The following SLC29A1 variants were observed in gnomAD, a reference collection of about 807,000 sequenced individuals.
The protein encoded by SLC29A1 is solute carrier family 29 member 1 (Augustine blood group), also known as equilibrative nucleoside transporter 1.
SLC29A1 carries 22 observed loss-of-function variants against 48.3 expected under a neutral mutation model. That is an observed-to-expected ratio of 0.46 (90% CI 0.33 to 0.65). SLC29A1 has a LOEUF of 0.65. Among genes scored for constraint, SLC29A1 ranks in the 30% least tolerant of loss-of-function variants. The pLI, the probability that SLC29A1 is intolerant of heterozygous loss-of-function variation, is 0.03. For synonymous variants in SLC29A1, 228 were observed against 231.0 expected, an observed-to-expected ratio of 0.99 and a Z score of 0.12; for missense variants, 491 against 575.3, an observed-to-expected ratio of 0.85 and a Z score of 1.50.
rs781445155 is a variant in SLC29A1 at position 44,227,324 on chromosome 6, G to A, written c.11G>A (p.Ser4Asn). ...GAGAACACCATCACCATGACAACCA[G>A]TCACCAGCCTCAGGACAGGTAAGGG... MTT[S>N]HQPQDRYKAV... The change falls in exon 2 of 13, where the codon AGT becomes AAT. Residue 4 changes from serine (S) to asparagine (N), a missense_variant. By Grantham distance (46) the Ser-to-Asn change is conservative. Coordinates refer to ENST00000371755, the MANE Select transcript of SLC29A1 (RefSeq NM_001372327.1). 6.2e-7 allele frequency: 1 copy of A among 1,614,128 alleles called. No homozygotes were observed. Among genetic ancestry groups the A allele is most frequent in the Admixed American group, 1.7e-5 (1 of 60,028 alleles).
rs923680452 is a variant in SLC29A1 at position 44,232,541 on chromosome 6, A to T, written c.1059+113A>T. ...AAGGGGACCATTTGTTTTAAAGTCG[A>T]GGCATAATTTATGTATAGTTAAGTA... is the stretch of plus-strand genomic sequence containing the variant. On this transcript the variant is annotated intron_variant, in intron 11 of 12. Coordinates refer to ENST00000371755, the MANE Select transcript of SLC29A1 (RefSeq NM_001372327.1). The surrounding 1 kb of genome is among the most constrained non-coding windows in gnomAD (Gnocchi z 4.7). 5.3e-6 allele frequency: 4 copies of T among 751,026 alleles called. No homozygotes were observed. Among genetic ancestry groups the T allele is most frequent in the Admixed American group, 2.5e-5 (1 of 39,394 alleles). The allele number at this position is 751,026 out of a possible 1,614,324, so 46.5% of individuals were successfully genotyped here.
chr6:44,227,740 C>T (rs1167981045), intron 2 of SLC29A1, among the ~76,000 whole-genome samples: 1 of 152,262 alleles, frequency 6.6e-6, no homozygotes, highest in Non-Finnish European at 1.5e-5. Context: ...TGATCTTCCT[C>T]TCAATTCCCT....
chr6:44,221,555 A>G, upstream of SLC29A1: 1 of 1,128,876 alleles, frequency 8.9e-7, no homozygotes, highest in Non-Finnish European at 1.2e-6. The surrounding 1 kb of genome is among the most constrained non-coding windows in gnomAD (Gnocchi z 4.2). Context: ...GTGCAGCAGG[A>G]CCAACCCTTC....
chr6:44,230,919 A>C (rs1281541428), intron 8 of SLC29A1, 30 bp downstream of exon 8: 2 of 1,543,638 alleles, frequency 1.3e-6, no homozygotes, highest in South Asian at 2.2e-5. Context: ...GCTGGGGTGG[A>C]GGATGGTATA....
In SLC29A1 at chr6:44,229,248, C is replaced by G. The variant is rs1778285063; in HGVS notation, c.30-142C>G. The G allele has an allele frequency of 6.9e-6, 5 of 724,456 alleles. No individual in the cohort carries two copies. In the East Asian group the frequency reaches 1.2e-4, roughly 18 times the overall value. 44.9% of individuals were successfully genotyped at this position (724,456 alleles called of 1,614,324 possible). ...TTCTCCCCCCACACCCATAAGAGGA[C>G]ACATGCAAACGGACACAAACACAGA... On this transcript the variant is annotated intron_variant, in intron 2 of 12. Transcript: ENST00000371755. The surrounding 1 kb of genome is among the most constrained non-coding windows in gnomAD (Gnocchi z 5.1).
upstream of SLC29A1, among the ~76,000 whole-genome samples, chr6:44,223,321 G>A (rs1194519686): frequency 6.6e-6 from 1 of 152,030 alleles, no homozygotes; most frequent in Non-Finnish European, 1.5e-5. This position sits in a 1 kb window ranked among gnomAD's most constrained non-coding sequence, Gnocchi z 5.0. Flanking sequence ...ATGTGTGGCT[G>A]TACCCTCCAG....
rs150992426 is a variant in SLC29A1 at position 44,226,800 on chromosome 6, C to T, written c.-51-463C>T. On this transcript the variant is annotated intron_variant, in intron 1 of 12. Transcript: ENST00000371755. ...GCTGCAGATCTGCCTGTTCCGTGTC[C>T]TTCCTCCTCCTCCCCCGACCTCTTT... is the stretch of plus-strand genomic sequence containing the variant. 2,545 of 1,010,692 alleles carry T rather than the reference C, an allele frequency of 2.5e-3. 3 individuals are homozygous for T. The highest frequency in any genetic ancestry group is 2.8e-3 in the Non-Finnish European group (2,368 of 844,164). 62.6% of individuals were successfully genotyped at this position (1,010,692 alleles called of 1,614,324 possible). A position where few individuals can be genotyped will look rare whatever the true frequency, so the allele number is the denominator to read the frequency against.
Position 44,223,841 on chromosome 6 carries a change from G to C in SLC29A1, c.-52+200G>C. On this transcript the variant is annotated intron_variant, in intron 1 of 12. Coordinates refer to ENST00000371755, the MANE Select transcript of SLC29A1 (RefSeq NM_001372327.1). The surrounding 1 kb of genome is among the most constrained non-coding windows in gnomAD (Gnocchi z 5.0). ...GGGCCAGGGAGCCTGAGGACCCTGCGGGGACCGGGACCCAAGCTGGGCGGG... is the reference window on the plus strand; with the variant it reads ...GGGCCAGGGAGCCTGAGGACCCTGCCGGGACCGGGACCCAAGCTGGGCGGG... The C allele has an allele frequency of 1.0e-6, 1 of 1,000,920 alleles. No individual in the cohort carries two copies. The highest frequency in any genetic ancestry group is 1.2e-6 in the Non-Finnish European group (1 of 839,662). 62.0% of individuals were successfully genotyped at this position (1,000,920 alleles called of 1,614,324 possible). A position where few individuals can be genotyped will look rare whatever the true frequency, so the allele number is the denominator to read the frequency against.
Position 44,230,799 on chromosome 6 carries a change from C to T in SLC29A1, c.688-12C>T, listed in dbSNP as rs41282662. The T allele has an allele frequency of 7.9e-3, 12,720 of 1,612,468 alleles. 54 individuals are homozygous for T. The highest frequency in any genetic ancestry group is 9.8e-3 in the Non-Finnish European group (11,572 of 1,178,544). ...CTCTAAATCCACCTCCCCCGTCTCC[C>T]TTACTTGATAGGAATTCTACCGCTA... On this transcript the variant is annotated splice_polypyrimidine_tract_variant and intron_variant, in intron 7 of 12. Coordinates refer to ENST00000371755, the MANE Select transcript of SLC29A1 (RefSeq NM_001372327.1).
At position 44,232,688 on chromosome 6, in the gene SLC29A1, A is replaced by C; in HGVS notation, c.1060-119A>C. 1.1e-6 allele frequency: 1 copy of C among 920,354 alleles called. No individual in the cohort carries two copies. The highest frequency in any genetic ancestry group is 2.6e-5 in the East Asian group (1 of 38,324). 57.0% of individuals were successfully genotyped at this position (920,354 alleles called of 1,614,324 possible). ...ATGCCCCTTTCAAGAGTAACCCCCTAAGGAGAACCAGGCTTTGAGGTTTCA... is the reference window on the plus strand; with the variant it reads ...ATGCCCCTTTCAAGAGTAACCCCCTCAGGAGAACCAGGCTTTGAGGTTTCA... On this transcript the variant is annotated intron_variant, in intron 11 of 12. Coordinates refer to ENST00000371755, the MANE Select transcript of SLC29A1 (RefSeq NM_001372327.1). This position sits in a 1 kb window ranked among gnomAD's most constrained non-coding sequence, Gnocchi z 4.7.
In SLC29A1 at chr6:44,232,398, G is replaced by T; in HGVS notation, c.1029G>T (p.Leu343Phe). Residue 343 changes from leucine to phenylalanine, a missense_variant, in exon 11 of 13, where the codon TTG becomes TTT. Leu to Phe is a conservative substitution (Grantham distance 22). Transcript: ENST00000371755. This position sits in a 1 kb window ranked among gnomAD's most constrained non-coding sequence, Gnocchi z 4.7. ...TGACTTTCAATATCTTTGACTGGTT[G>T]GGCCGGAGCCTCACAGCTGTATTCA... ...CFLTFNIFDW[L>F]GRSLTAVFMW... is the part of the protein sequence containing the mutation. 1 of 1,613,684 alleles carries T rather than the reference G, an allele frequency of 6.2e-7. No homozygotes were observed. The highest frequency in any genetic ancestry group is 1.1e-5 in the South Asian group (1 of 91,068).
rs1779088763 is a variant in SLC29A1 at position 44,232,343 on chromosome 6, A to G, written c.974A>G (p.Glu325Gly). The change falls in exon 11 of 13, where the codon GAA (glutamate) becomes GGA (glycine). Residue 325 changes from glutamate (E) to glycine (G), a missense_variant and splice_region_variant. Coordinates refer to ENST00000371755, the MANE Select transcript of SLC29A1 (RefSeq NM_001372327.1). The surrounding 1 kb of genome is among the most constrained non-coding windows in gnomAD (Gnocchi z 4.7). ...ACCACCCGTTCATCTCCTCTTCCAG[A>G]ACGTTACTTCATTCCTGTGTCCTGT... ...KSSIAGSSTWERYFIPVSCFL... is the reference protein window; with the variant it reads ...KSSIAGSSTWGRYFIPVSCFL... 3.7e-6 allele frequency: 6 copies of G among 1,610,776 alleles called. No homozygotes were observed. Among genetic ancestry groups the G allele is most frequent in the Non-Finnish European group, 5.1e-6 (6 of 1,176,926 alleles).
At chr6:44,227,458 A>AT (rs1777829539) in intron 2 of SLC29A1, 116 bp downstream of exon 2, 1 of 891,490 alleles carries the variant, frequency 1.1e-6, no homozygotes, top group East Asian at 2.6e-5. Context: ...CCAGGTAGCT[A>AT]TGAGTCAGGT....
In SLC29A1 at chr6:44,233,841, C is replaced by T. The variant is rs1779399720; in HGVS notation, c.*313C>T. ...TGGAGGCTCTTGGGCTTGGAGAACA[C>T]GTGTGTCTCTGTGTATGTGTCTGTG... is the stretch of plus-strand genomic sequence containing the variant. On this transcript the variant is annotated 3_prime_UTR_variant, in exon 13 of 13. Transcript: ENST00000371755. 5.1e-6 allele frequency: 2 copies of T among 389,192 alleles called. No homozygotes were observed. Among genetic ancestry groups the T allele is most frequent in the African/African-American group, 2.0e-5 (1 of 48,908 alleles). 24.1% of individuals were successfully genotyped at this position (389,192 alleles called of 1,614,324 possible).
In SLC29A1 at chr6:44,230,832, C is replaced by G. The variant is rs1305562022; in HGVS notation, c.709C>G (p.Gln237Glu). The change falls in exon 8 of 13, where the codon CAG (glutamine) becomes GAG (glutamate). Residue 237 changes from glutamine to glutamate, a missense_variant. Physicochemically the swap from Gln to Glu is conservative, Grantham distance 29. Coordinates refer to ENST00000371755, the MANE Select transcript of SLC29A1 (RefSeq NM_001372327.1). ...PRLEFYRYYQQLKLEGPGEQE... is the reference protein window; with the variant it reads ...PRLEFYRYYQELKLEGPGEQE... ...ATAGGAATTCTACCGCTACTACCAG[C>G]AGCTCAAGCTTGAAGGACCCGGGGA... 6.2e-7 allele frequency: 1 copy of G among 1,614,004 alleles called. No homozygotes were observed. Among genetic ancestry groups the G allele is most frequent in the Admixed American group, 1.7e-5 (1 of 60,026 alleles).
In SLC29A1 at chr6:44,231,389, G is replaced by A. The variant is rs367996814; in HGVS notation, c.792G>A (p.Glu264=). The change falls in exon 9 of 13, where the codon GAG becomes GAA. Residue 264 remains glutamate, a synonymous_variant. Coordinates refer to ENST00000371755, the MANE Select transcript of SLC29A1 (RefSeq NM_001372327.1). The part of the protein sequence containing the change: ...SKGEEPRAGK[E]ESGVSVSNSQ... ...GAGAGGAGCCAAGAGCAGGCAAAGA[G>A]GAATCTGGAGTTTCAGTCTCCAACT... is the stretch of plus-strand genomic sequence containing the variant. 2.6e-5 allele frequency: 42 copies of A among 1,602,880 alleles called. No homozygotes were observed. In the African/African-American group the frequency reaches 4.8e-4, roughly 18 times the overall value.
rs1249042998 is a variant in SLC29A1, at chr6:44,234,136, T to G, written c.*608T>G. The G allele has an allele frequency of 6.5e-6, 1 of 152,728 alleles. No homozygotes were observed. The highest frequency in any genetic ancestry group is 1.5e-5 in the Non-Finnish European group (1 of 68,082). The allele number at this position is 152,728 out of a possible 1,614,324, so 9.5% of individuals were successfully genotyped here. A position where few individuals can be genotyped will look rare whatever the true frequency, so the allele number is the denominator to read the frequency against. On this transcript the variant is annotated 3_prime_UTR_variant, in exon 13 of 13. Coordinates refer to ENST00000371755, the MANE Select transcript of SLC29A1 (RefSeq NM_001372327.1). ...TCTGATTTAAATAAACCTTTCTTGT[T>G]TTTTTCTCCATGGCTCCCTGTGTCC... is the stretch of plus-strand genomic sequence containing the variant.
chr6:44,232,012 T>C lies in SLC29A1; in HGVS notation c.879T>C (p.Ala293=). 6.2e-7 allele frequency: 1 copy of C among 1,613,592 alleles called. No homozygotes were observed. The highest frequency in any genetic ancestry group is 8.5e-7 in the Non-Finnish European group (1 of 1,179,560). Residue 293 remains alanine (A), a synonymous_variant, in exon 10 of 13, where the codon GCT becomes GCC. Transcript: ENST00000371755. The surrounding 1 kb of genome is among the most constrained non-coding windows in gnomAD (Gnocchi z 4.7). The part of the protein sequence containing the change: ...KAILKNISVL[A]FSVCFIFTIT... ...CTTCTATCTAGATCTCAGTCCTGGC[T>C]TTCTCTGTCTGCTTCATCTTCACTA...
chr6:44,220,931 G>A (rs1424776126), upstream of SLC29A1, among the ~76,000 whole-genome samples: 2 of 152,200 alleles, frequency 1.3e-5, no homozygotes, highest in Admixed American at 1.3e-4. Context: ...CCAGGCTGGA[G>A]TGCAATGGCA....
Sources: gnomAD v4.1 joint callset for allele counts (sites outside exome capture counted in the v4.1 genomes callset) on GRCh38, gnomAD v4.1.1 for gene constraint, Gnocchi (gnomAD v3.1) non-coding constraint, MANE v1.5 for transcripts, NCBI Gene and HGNC (gene_info 2026-07-23, HGNC 2026-07-21) for gene names.